Variants in ABLIM2 observed in about 807,000 individuals in gnomAD.
ABLIM2 encodes actin-binding LIM protein 2.
ABLIM2 carries 53 observed loss-of-function variants against 97.7 expected under a neutral mutation model. The observed-to-expected ratio is 0.54, with a 90% CI of 0.44 to 0.68. The LOEUF is 0.68. ABLIM2 is among the 30% of genes least tolerant of loss of function. The pLI is 0.00. For missense variants in ABLIM2, 835 were observed against 867.2 expected (o/e 0.96, Z 0.47); for synonymous variants, 361 against 345.8 (o/e 1.04, Z -0.49).
chr4:8,000,635 C>A (rs1425178424), intron 16 of ABLIM2, among the ~76,000 whole-genome samples: 1 of 152,094 alleles, frequency 6.6e-6, no homozygotes, highest in African/African-American at 2.4e-5. Flanking sequence ...TGGGTAGCCA[C>A]CTTCATGTCC....
intron 2 of ABLIM2, among the ~76,000 whole-genome samples, chr4:8,105,607 C>T (rs1836971342): frequency 6.6e-6 from 1 of 152,228 alleles, no homozygotes; most frequent in Admixed American, 6.5e-5. Flanking sequence ...CATCGAGGGT[C>T]GTTATGGTTA....
chr4:8,149,625 G>A lies in ABLIM2; in HGVS notation c.10+9055C>T, dbSNP rs73077918. Among the ~76,000 whole-genome samples, 2,329 of 151,972 alleles carry A rather than the reference G, an allele frequency of 0.015. 59 individuals are homozygous for A. The highest frequency in any genetic ancestry group is 0.053 in the African/African-American group (2,210 of 41,428). On this transcript the variant is annotated intron_variant, in intron 1 of 20. Transcript: ENST00000447017. The surrounding 1 kb of genome is among the most constrained non-coding windows in gnomAD (Gnocchi z 6.4). ...AGGGGAGCGGGGGCAGGCAGAAGGC[G>A]GCAGGAAGAATGCAAGGCTGTTGGG...
chr4:8,147,198 T>C lies in ABLIM2; in HGVS notation c.10+11482A>G, dbSNP rs1851941144. On this transcript the variant is annotated intron_variant, in intron 1 of 20. Coordinates refer to ENST00000447017, the MANE Select transcript of ABLIM2 (RefSeq NM_001130083.2). The surrounding 1 kb of genome is among the most constrained non-coding windows in gnomAD (Gnocchi z 5.3). ...AAAAGATTAGACCAATTCATATTCTTATCCACAGTCTGTGACAGGATCTAA... is the reference window on the plus strand; with the variant it reads ...AAAAGATTAGACCAATTCATATTCTCATCCACAGTCTGTGACAGGATCTAA... Among the ~76,000 whole-genome samples, 1 of 152,234 alleles carries C rather than the reference T, an allele frequency of 6.6e-6. No homozygotes were observed. Among genetic ancestry groups the C allele is most frequent in the Non-Finnish European group, 1.5e-5 (1 of 68,044 alleles).
At chr4:8,105,482 T>C (rs1049816068) in intron 2 of ABLIM2, among the ~76,000 whole-genome samples, 1 of 152,184 alleles carries the variant, frequency 6.6e-6, no homozygotes, top group African/African-American at 2.4e-5. Context: ...CCCGCAGCCA[T>C]TGGATGGGGG....
chr4:8,038,871 C>T (rs1301539054), intron 9 of ABLIM2, among the ~76,000 whole-genome samples: 1 of 152,188 alleles, frequency 6.6e-6, no homozygotes, highest in African/African-American at 2.4e-5. Context: ...CTTATCCATG[C>T]CACTTAGCAC....
rs1036522433 is a variant in ABLIM2, at chr4:7,970,856, G to A, written c.1825-3753C>T. On this transcript the variant is annotated intron_variant, in intron 20 of 20. Transcript: ENST00000447017. This position sits in a 1 kb window ranked among gnomAD's most constrained non-coding sequence, Gnocchi z 5.3. ...GGGCCGGGGGTGTCCCGAGCATGTG[G>A]GCTGGGCCAGGCCACTCGTATGTGG... Among the ~76,000 whole-genome samples the A allele has an allele frequency of 1.3e-5, 2 of 152,012 alleles. No individual in the cohort carries two copies. The highest frequency in any genetic ancestry group is 1.3e-4 in the Admixed American group (2 of 15,258).
At chr4:8,057,212 C>T (rs887516436) in intron 7 of ABLIM2, among the ~76,000 whole-genome samples, 1 of 151,686 alleles carries the variant, frequency 6.6e-6, no homozygotes, top group Non-Finnish European at 1.5e-5. Flanking sequence ...GACTCTCATG[C>T]CTCAGCCTTC....
intron 1 of ABLIM2, among the ~76,000 whole-genome samples, chr4:8,115,398 C>T (rs1842366250): frequency 6.6e-6 from 1 of 152,230 alleles, no homozygotes; most frequent in African/African-American, 2.4e-5. Flanking sequence ...TGACATCCAT[C>T]TCCTCTGTAG....
intron 1 of ABLIM2, among the ~76,000 whole-genome samples, chr4:8,108,675 G>A (rs564434577): frequency 2.0e-5 from 3 of 152,308 alleles, no homozygotes; most frequent in African/African-American, 2.4e-5. Context: ...CCCCCCTTCT[G>A]GGAGCCGCCT....
intron 3 of ABLIM2, among the ~76,000 whole-genome samples, chr4:8,092,704 A>T (rs191298096): frequency 4.3e-4 from 66 of 152,222 alleles, no homozygotes; most frequent in Non-Finnish European, 7.3e-4. Flanking sequence ...CCCCCTTTGG[A>T]AAAAGCACAG....
Position 8,072,031 on chromosome 4 carries a change from G to T in ABLIM2, c.675+5597C>A. Reference sequence around the variant, plus strand: ...CGCCCGCAGTTCCCACCTTGCACCCGGGGAGGATGCTCAGAGCTGTGCAGA... The same window carrying T: ...CGCCCGCAGTTCCCACCTTGCACCCTGGGAGGATGCTCAGAGCTGTGCAGA... On this transcript the variant is annotated intron_variant, in intron 6 of 20. Coordinates refer to ENST00000447017, the MANE Select transcript of ABLIM2 (RefSeq NM_001130083.2). The surrounding 1 kb of genome is among the most constrained non-coding windows in gnomAD (Gnocchi z 5.8). The T allele has an allele frequency of 2.0e-6, 2 of 985,440 alleles. No homozygotes were observed. The highest frequency in any genetic ancestry group is 2.4e-6 in the Non-Finnish European group (2 of 829,958). 61.0% of individuals were successfully genotyped at this position (985,440 alleles called of 1,614,324 possible).
At chr4:8,114,594 G>C (rs1050007476) in intron 1 of ABLIM2, among the ~76,000 whole-genome samples, 1 of 152,208 alleles carries the variant, frequency 6.6e-6, no homozygotes. Context: ...AGGGCTGGCT[G>C]CTGATTATAA....
In ABLIM2 at chr4:7,970,804, G is replaced by A. The variant is rs976354988; in HGVS notation, c.1825-3701C>T. ...CACCAGAGGCCCTGGGGAGCAGCCT[G>A]GTTGGGCAGACCACAGCAACAGGGA... is the stretch of plus-strand genomic sequence containing the variant. On this transcript the variant is annotated intron_variant, in intron 20 of 20. Coordinates refer to ENST00000447017, the MANE Select transcript of ABLIM2 (RefSeq NM_001130083.2). This position sits in a 1 kb window ranked among gnomAD's most constrained non-coding sequence, Gnocchi z 5.3. 5.3e-5 allele frequency among the ~76,000 whole-genome samples: 8 copies of A among 152,002 alleles called. No individual in the cohort carries two copies. The highest frequency in any genetic ancestry group is 1.0e-4 in the Non-Finnish European group (7 of 67,966).
intron 1 of ABLIM2, among the ~76,000 whole-genome samples, chr4:8,135,680 T>C (rs1347109698): frequency 6.6e-6 from 1 of 152,246 alleles, no homozygotes; most frequent in Non-Finnish European, 1.5e-5. Flanking sequence ...CGGGCTGTGA[T>C]ATCCTGTGAG....
At position 7,998,070 on chromosome 4, in the gene ABLIM2, G is replaced by A. The variant is rs533536593; in HGVS notation, c.1619-5143C>T. Among the ~76,000 whole-genome samples, 3 of 151,850 alleles carry A rather than the reference G, an allele frequency of 2.0e-5. No homozygotes were observed. The highest frequency in any genetic ancestry group is 4.4e-5 in the Non-Finnish European group (3 of 67,982). Reference sequence around the variant, plus strand: ...CTGATTTTGTATTTTTAGTAGAGACGGGGTTTCTCCATGTTGATCGGGCTC... The same window carrying A: ...CTGATTTTGTATTTTTAGTAGAGACAGGGTTTCTCCATGTTGATCGGGCTC... On this transcript the variant is annotated intron_variant, in intron 16 of 20. Transcript: ENST00000447017. The surrounding 1 kb of genome is among the most constrained non-coding windows in gnomAD (Gnocchi z 6.4).
chr4:8,146,684 C>T (rs1012266671), intron 1 of ABLIM2, among the ~76,000 whole-genome samples: 4 of 152,142 alleles, frequency 2.6e-5, no homozygotes, highest in Admixed American at 6.5e-5. Flanking sequence ...GGACTAGGCA[C>T]ATGCCCAGCT....
intron 1 of ABLIM2, among the ~76,000 whole-genome samples, chr4:8,109,449 C>T (rs1368484518): frequency 1.3e-5 from 2 of 152,258 alleles, no homozygotes; most frequent in Non-Finnish European, 2.9e-5. Context: ...AAGGTCTCCT[C>T]ATCTCCCTGG....
intron 1 of ABLIM2, among the ~76,000 whole-genome samples, chr4:8,139,353 C>T (rs895718583): frequency 1.3e-5 from 2 of 151,956 alleles, no homozygotes; most frequent in Non-Finnish European, 2.9e-5. Flanking sequence ...TGCAATCTAT[C>T]CTTCTGACAA....
chr4:8,011,470 G>T (rs1006786517), intron 14 of ABLIM2, among the ~76,000 whole-genome samples: 3 of 152,226 alleles, frequency 2.0e-5, no homozygotes, highest in African/African-American at 7.2e-5. Context: ...TTCCATAACA[G>T]CTCTGAGCCT....
Sources: gnomAD v4.1 joint callset for allele counts (sites outside exome capture counted in the v4.1 genomes callset) on GRCh38, gnomAD v4.1.1 for gene constraint, Gnocchi (gnomAD v3.1) non-coding constraint, MANE v1.5 for transcripts, NCBI Gene and HGNC (gene_info 2026-07-23, HGNC 2026-07-21) for gene names.